L3MBTL4: variants seen among roughly 807,000 people sequenced by gnomAD.
The protein encoded by L3MBTL4 is L3MBTL histone methyl-lysine binding protein 4, also known as lethal(3)malignant brain tumor-like protein 4.
L3MBTL4 carries 70 observed loss-of-function variants against 84.5 expected under a neutral mutation model. The ratio of observed to expected loss-of-function variants is 0.83; its 90% CI spans 0.68 to 1.01. The LOEUF is 1.01. L3MBTL4 is among the 50% of genes least tolerant of loss of function. The pLI is 0.00. For missense variants in L3MBTL4, 715 were observed against 754.8 expected (o/e 0.95, Z 0.62); for synonymous variants, 274 against 259.8 (o/e 1.05, Z -0.52).
rs2052530242 is a variant in L3MBTL4, at chr18:5,969,541, T to C, written c.1466A>G (p.Gln489Arg). Residue 489 changes from glutamine (Q) to arginine (R), a missense_variant, in exon 17 of 19, where the codon CAG (glutamine) becomes CGG (arginine). Physicochemically the swap from Gln to Arg is conservative, Grantham distance 43. Transcript: ENST00000317931. Reference protein sequence around the residue: ...LFREYSVEQAQQVLHQSVSMS... With the variant: ...LFREYSVEQARQVLHQSVSMS... Reference sequence around the variant, plus strand: ...GGACACTGACTGGTGAAGCACCTGCTGCGCCTGCTCCACCGAGTATTCTGT... The same window carrying C: ...GGACACTGACTGGTGAAGCACCTGCCGCGCCTGCTCCACCGAGTATTCTGT... 3.1e-6 allele frequency: 5 copies of C among 1,609,696 alleles called. No individual in the cohort carries two copies. Among genetic ancestry groups the C allele is most frequent in the Non-Finnish European group, 4.2e-6 (5 of 1,177,630 alleles).
intron 14 of L3MBTL4, 60 bp from the exon 15 acceptor site, chr18:6,093,588 T>C: frequency 2.1e-6 from 3 of 1,416,858 alleles, no homozygotes; most frequent in Non-Finnish European, 2.8e-6. Flanking sequence ...CAGGGATCCA[T>C]TGTCATTAGA....
intron 16 of L3MBTL4, among the ~76,000 whole-genome samples, chr18:5,979,155 C>G (rs186103532): frequency 3.3e-5 from 5 of 152,188 alleles, no homozygotes; most frequent in South Asian, 4.1e-4. Context: ...TCTGTCCATG[C>G]TATGAATGAA....
intron 4 of L3MBTL4, among the ~76,000 whole-genome samples, chr18:6,274,328 C>G (rs915880298): frequency 6.6e-6 from 1 of 152,178 alleles, no homozygotes; most frequent in East Asian, 1.9e-4. Flanking sequence ...TCTGATGCAG[C>G]TAACTTTAAG....
chr18:6,270,343 T>C (rs758917491), intron 4 of L3MBTL4, among the ~76,000 whole-genome samples: 2 of 152,174 alleles, frequency 1.3e-5, no homozygotes, highest in Admixed American at 1.3e-4. Flanking sequence ...TAAATTCATG[T>C]AGTGCTCGTC....
intron 16 of L3MBTL4, among the ~76,000 whole-genome samples, chr18:6,012,651 C>T: frequency 7.0e-6 from 1 of 143,576 alleles, no homozygotes; most frequent in African/African-American, 2.5e-5. Context: ...ATAGTGAGAC[C>T]TTGTCTCTAC....
At chr18:6,094,168 T>C (rs1051122940) in intron 14 of L3MBTL4, among the ~76,000 whole-genome samples, 11 of 152,172 alleles carry the variant, frequency 7.2e-5, no homozygotes, top group South Asian at 2.1e-4. Flanking sequence ...TAGCAGGCTA[T>C]GGGCAGAAGG....
At chr18:5,973,634 A>G (rs2052761359) in intron 16 of L3MBTL4, among the ~76,000 whole-genome samples, 1 of 152,228 alleles carries the variant, frequency 6.6e-6, no homozygotes, top group Admixed American at 6.5e-5. Context: ...GAAGGCATAG[A>G]CCGTTTCCAG....
chr18:6,028,959 A>G (rs550803915), intron 16 of L3MBTL4, among the ~76,000 whole-genome samples: 27 of 152,342 alleles, frequency 1.8e-4, no homozygotes, highest in African/African-American at 6.3e-4. Context: ...ACTCAATATT[A>G]AAATAATACT....
intron 14 of L3MBTL4, among the ~76,000 whole-genome samples, chr18:6,099,585 A>AAAATATATATATATATATAT (rs1555653373): frequency 1.5e-5 from 1 of 64,700 alleles, no homozygotes; most frequent in East Asian, 9.7e-4. Context: ...AGATAATGTA[A>AAAATATATATATATATATAT]ATATATATAT....
intron 12 of L3MBTL4, among the ~76,000 whole-genome samples, chr18:6,206,912 A>G (rs2045901078): frequency 6.6e-6 from 1 of 152,214 alleles, no homozygotes; most frequent in Non-Finnish European, 1.5e-5. Flanking sequence ...AGACAAGGAT[A>G]CAAAACTATT....
chr18:6,342,274 T>A (rs2052642899), intron 1 of L3MBTL4, among the ~76,000 whole-genome samples: 1 of 152,182 alleles, frequency 6.6e-6, no homozygotes, highest in South Asian at 2.1e-4. Context: ...TCACTTTTAC[T>A]CTACTATAAA....
intron 1 of L3MBTL4, among the ~76,000 whole-genome samples, chr18:6,358,439 C>T (rs1169042707): frequency 2.6e-5 from 4 of 152,102 alleles, no homozygotes; most frequent in African/African-American, 7.2e-5. Flanking sequence ...GTCAAAAGTC[C>T]CCTCCAAAAA....
intron 1 of L3MBTL4, among the ~76,000 whole-genome samples, chr18:6,342,567 C>T (rs926181522): frequency 2.6e-5 from 4 of 151,324 alleles, no homozygotes; most frequent in African/African-American, 4.9e-5. Context: ...CAAAGAAAGC[C>T]GATGTGTTAG....
intron 15 of L3MBTL4, among the ~76,000 whole-genome samples, chr18:6,089,564 A>G (rs2058371016): frequency 6.6e-6 from 1 of 152,192 alleles, no homozygotes. Context: ...TCACTAGTCT[A>G]ACGTAGTTGA....
chr18:6,333,742 A>C (rs1360618706), intron 1 of L3MBTL4, among the ~76,000 whole-genome samples: 1 of 152,132 alleles, frequency 6.6e-6, no homozygotes, highest in African/African-American at 2.4e-5. Context: ...GAAACAAGAC[A>C]TCTTTTTTCT....
intron 14 of L3MBTL4, among the ~76,000 whole-genome samples, chr18:6,118,627 A>T (rs2144260237): frequency 6.6e-6 from 1 of 152,324 alleles, no homozygotes; most frequent in South Asian, 2.1e-4. Flanking sequence ...GACTTAAGTA[A>T]TTATTTTTAT....
intron 13 of L3MBTL4, among the ~76,000 whole-genome samples, chr18:6,142,859 A>G (rs1250508154): frequency 6.6e-6 from 1 of 152,198 alleles, no homozygotes; most frequent in Non-Finnish European, 1.5e-5. Context: ...GAGTTCAACC[A>G]GTCTGGGAGA....
At chr18:6,296,801 T>A (rs2050125790) in intron 4 of L3MBTL4, among the ~76,000 whole-genome samples, 1 of 152,020 alleles carries the variant, frequency 6.6e-6, no homozygotes, top group Non-Finnish European at 1.5e-5. Context: ...CAGGAACTAA[T>A]CAAAGGTGGG....
chr18:6,221,708 T>C (rs2046561876), intron 10 of L3MBTL4, among the ~76,000 whole-genome samples: 1 of 152,206 alleles, frequency 6.6e-6, no homozygotes, highest in South Asian at 2.1e-4. Flanking sequence ...ATGTGACTAG[T>C]ACCAGTGCGG....
Sources: allele counts gnomAD v4.1 joint callset (sites outside exome capture counted in the v4.1 genomes callset), GRCh38; gene constraint gnomAD v4.1.1; transcripts MANE v1.5; gene names NCBI Gene and HGNC (gene_info 2026-07-23, HGNC 2026-07-21).